CARMIL1: variants seen among roughly 807,000 people sequenced by gnomAD.
CARMIL1 encodes the protein F-actin-uncapping protein LRRC16A.
A neutral mutation model predicts 177.1 loss-of-function variants in CARMIL1; 90 were observed. That is an observed-to-expected ratio of 0.51 (90% confidence interval 0.43 to 0.61). The LOEUF is 0.61. Among genes scored for constraint, CARMIL1 ranks in the 20% least tolerant of loss-of-function variants. The pLI is 0.00. For synonymous variants in CARMIL1, 577 were observed against 606.2 expected (o/e 0.95, Z 0.71); for missense variants, 1,380 against 1,667.0 (o/e 0.83, Z 3.00).
chr6:25,415,859 G>C (rs1795309272), intron 2 of CARMIL1, among the ~76,000 whole-genome samples: 1 of 152,120 alleles, frequency 6.6e-6, no homozygotes. Flanking sequence ...TCATGGAGAA[G>C]GGGCTGGGGA....
intron 11 of CARMIL1, among the ~76,000 whole-genome samples, chr6:25,480,356 T>C (rs565624161): frequency 1.3e-5 from 2 of 152,138 alleles, no homozygotes; most frequent in African/African-American, 4.8e-5. Context: ...TTTCAGATGA[T>C]GTTAATCAGA....
At chr6:25,430,753 T>C (rs1362363272) in intron 4 of CARMIL1, among the ~76,000 whole-genome samples, 1 of 152,224 alleles carries the variant, frequency 6.6e-6, no homozygotes, top group Non-Finnish European at 1.5e-5. Flanking sequence ...AAATTGCAAA[T>C]TCTATTAATA....
chr6:25,618,796 T>A (rs1345200694), intron 36 of CARMIL1, among the ~76,000 whole-genome samples: 1 of 152,238 alleles, frequency 6.6e-6, no homozygotes, highest in Non-Finnish European at 1.5e-5. Flanking sequence ...GTAATTCTTT[T>A]ACCTGGAGGG....
rs777641821 is a variant in CARMIL1, at chr6:25,515,764, C to T, written c.1722C>T (p.Thr574=). The T allele has an allele frequency of 3.7e-6, 6 of 1,611,906 alleles. No homozygotes were observed. In the South Asian group the frequency reaches 5.5e-5, roughly 15 times the overall value. The stretch of plus-strand genomic sequence containing the variant: ...CCCTGGGAAGCAACACCTCCCTGAC[C>T]AAAGTGGACATTAGCGGCAACGGAA... ...INALGSNTSL[T]KVDISGNGMG... The change falls in exon 21 of 37, where the codon ACC becomes ACT. Residue 574 remains threonine (T), a synonymous_variant. Coordinates refer to ENST00000329474, the MANE Select transcript of CARMIL1 (RefSeq NM_017640.6). This position sits in a 1 kb window ranked among gnomAD's most constrained non-coding sequence, Gnocchi z 5.0.
intron 31 of CARMIL1, among the ~76,000 whole-genome samples, chr6:25,585,670 GT>G (rs1813574793): frequency 6.6e-6 from 1 of 152,168 alleles, no homozygotes; most frequent in Admixed American, 6.5e-5. Flanking sequence ...AGGGTCTCTG[GT>G]TTTCCTAGGC....
chr6:25,468,143 A>G (rs552541956), intron 9 of CARMIL1, among the ~76,000 whole-genome samples: 1 of 152,194 alleles, frequency 6.6e-6, no homozygotes, highest in South Asian at 2.1e-4. Context: ...ATATGACTTT[A>G]TGTTGATCTT....
At chr6:25,435,819 G>A (rs1212346907) in intron 5 of CARMIL1, among the ~76,000 whole-genome samples, 1 of 152,206 alleles carries the variant, frequency 6.6e-6, no homozygotes, top group Non-Finnish European at 1.5e-5. Flanking sequence ...GAGCTTGAGT[G>A]ATGAAAGGAT....
chr6:25,335,094 A>C (rs1252617818), intron 2 of CARMIL1, among the ~76,000 whole-genome samples: 3 of 152,166 alleles, frequency 2.0e-5, no homozygotes, highest in African/African-American at 7.2e-5. Context: ...TCTTCTGTTC[A>C]TTTCACTGTC....
chr6:25,316,504 C>T (rs1464379315), intron 2 of CARMIL1, among the ~76,000 whole-genome samples: 4 of 151,664 alleles, frequency 2.6e-5, no homozygotes, highest in Admixed American at 6.6e-5. Context: ...CTCCATCTCG[C>T]GGGTTCAAGC....
intron 20 of CARMIL1, among the ~76,000 whole-genome samples, chr6:25,512,130 C>T (rs186340399): frequency 1.1e-4 from 17 of 152,248 alleles, no homozygotes; most frequent in African/African-American, 2.9e-4. Flanking sequence ...ACTTAAAATT[C>T]ACCCCAAGAT....
intron 2 of CARMIL1, among the ~76,000 whole-genome samples, chr6:25,345,523 A>G (rs918114594): frequency 3.9e-5 from 6 of 152,220 alleles, no homozygotes; most frequent in South Asian, 2.1e-4. Flanking sequence ...AACATGCCCA[A>G]TCTCCAATCT....
At chr6:25,293,265 G>GGTGT (rs57127326) in intron 2 of CARMIL1, among the ~76,000 whole-genome samples, 15,501 of 134,222 alleles carry the variant, frequency 0.12, 1,046 homozygotes, top group Middle Eastern at 0.14. Flanking sequence ...AAGGATGCTT[G>GGTGT]GTGTGTGTGT....
chr6:25,515,799 T>C lies in CARMIL1; in HGVS notation c.1757T>C (p.Met586Thr), dbSNP rs773708743. The C allele has an allele frequency of 6.2e-7, 1 of 1,611,528 alleles. No homozygotes were observed. Among genetic ancestry groups the C allele is most frequent in the Non-Finnish European group, 8.5e-7 (1 of 1,178,998 alleles). Residue 586 changes from methionine (M) to threonine (T), a missense_variant, in exon 21 of 37, where the codon ATG becomes ACG. Met to Thr is a moderately conservative substitution (Grantham distance 81, BLOSUM62 -1). Coordinates refer to ENST00000329474, the MANE Select transcript of CARMIL1 (RefSeq NM_017640.6). This position sits in a 1 kb window ranked among gnomAD's most constrained non-coding sequence, Gnocchi z 5.0. The stretch of plus-strand genomic sequence containing the variant: ...ATTAGCGGCAACGGAATGGGGGACA[T>C]GGGAGCGAAGATGCTGGCCAAAGCA... Reference protein sequence around the residue: ...VDISGNGMGDMGAKMLAKALQ... With the variant: ...VDISGNGMGDTGAKMLAKALQ...
chr6:25,576,294 T>A (rs912511419), intron 29 of CARMIL1, among the ~76,000 whole-genome samples: 2 of 152,050 alleles, frequency 1.3e-5, no homozygotes, highest in Non-Finnish European at 2.9e-5. Flanking sequence ...AGAGATGTAA[T>A]GTAAAATGTA....
chr6:25,599,827 T>C (rs1461847649), intron 32 of CARMIL1, among the ~76,000 whole-genome samples: 1 of 152,120 alleles, frequency 6.6e-6, no homozygotes, highest in Non-Finnish European at 1.5e-5. Flanking sequence ...CTGATGACTA[T>C]CTTGAGTAAT....
intron 2 of CARMIL1, among the ~76,000 whole-genome samples, chr6:25,370,852 G>A (rs1020796607): frequency 6.6e-6 from 1 of 152,088 alleles, no homozygotes; most frequent in African/African-American, 2.4e-5. Context: ...TGCGATTTTA[G>A]TGCACCCATC....
At chr6:25,595,934 C>T (rs977772084) in intron 32 of CARMIL1, among the ~76,000 whole-genome samples, 3 of 152,088 alleles carry the variant, frequency 2.0e-5, no homozygotes, top group Non-Finnish European at 4.4e-5. Flanking sequence ...GTCTGCCCCT[C>T]AATTAGTGAT....
chr6:25,334,994 G>C (rs1438590507), intron 2 of CARMIL1, among the ~76,000 whole-genome samples: 1 of 152,170 alleles, frequency 6.6e-6, no homozygotes, highest in South Asian at 2.1e-4. Flanking sequence ...GAAATAGCCT[G>C]TCTTTACAAA....
At chr6:25,377,944 A>G (rs1003635465) in intron 2 of CARMIL1, among the ~76,000 whole-genome samples, 6 of 152,160 alleles carry the variant, frequency 3.9e-5, no homozygotes, top group African/African-American at 1.4e-4. Flanking sequence ...TGGTGGGGCT[A>G]TAGAGCTCCG....
Sources: gnomAD v4.1 joint callset for allele counts (sites outside exome capture counted in the v4.1 genomes callset) on GRCh38, gnomAD v4.1.1 for gene constraint, Gnocchi (gnomAD v3.1) non-coding constraint, MANE v1.5 for transcripts, NCBI Gene and HGNC (gene_info 2026-07-23, HGNC 2026-07-21) for gene names.